The following BICRAL variants were observed in gnomAD, a reference collection of about 807,000 sequenced individuals.
BICRAL encodes BRD4-interacting chromatin-remodeling complex-associated protein-like.
In BICRAL, 8 loss-of-function variants were observed where a neutral mutation model predicts 91.8. The ratio of observed to expected loss-of-function variants is 0.09; its 90% CI spans 0.05 to 0.16. BICRAL has a LOEUF of 0.16. BICRAL is among the 10% of genes least tolerant of loss of function. The pLI, the probability that BICRAL is intolerant of heterozygous loss-of-function variation, is 1.00. For synonymous variants in BICRAL, 445 were observed against 491.1 expected (o/e 0.91, Z 1.24); for missense variants, 1,038 against 1,310.9 (o/e 0.79, Z 3.21).
At chr6:42,786,489 C>A (rs1205071510) in intron 1 of BICRAL, among the ~76,000 whole-genome samples, 1 of 108,582 alleles carries the variant, frequency 9.2e-6, no homozygotes, top group Non-Finnish European at 1.8e-5. Flanking sequence ...AGGGGGAAAT[C>A]TAAAACTGCT....
Position 42,829,178 on chromosome 6 carries a change from T to G in BICRAL, c.845T>G (p.Phe282Cys). Reference sequence around the variant, plus strand: ...GTAGCACAGCCTGTTACCGTTCCATTTAACAGCACAAATTTTCAAACATCT... The same window carrying G: ...GTAGCACAGCCTGTTACCGTTCCATGTAACAGCACAAATTTTCAAACATCT... ...SPVAQPVTVP[F>C]NSTNFQTSLP... Residue 282 changes from phenylalanine (F) to cysteine (C), a missense_variant, in exon 6 of 13, where the codon TTT becomes TGT. Around this residue, in one of 5 missense-constraint regions of BICRAL, gnomAD observed 532 missense variants for 724.9 expected, o/e 0.73. Transcript: ENST00000314073. 1 of 1,614,170 alleles carries G rather than the reference T, an allele frequency of 6.2e-7. No homozygotes were observed. Among genetic ancestry groups the G allele is most frequent in the Non-Finnish European group, 8.5e-7 (1 of 1,180,012 alleles).
chr6:42,855,526 A>G (rs1338048272), intron 8 of BICRAL, among the ~76,000 whole-genome samples: 5 of 151,672 alleles, frequency 3.3e-5, no homozygotes. Context: ...TGGACGACAG[A>G]GCACGACCCT....
intron 2 of BICRAL, among the ~76,000 whole-genome samples, chr6:42,813,400 G>A (rs983736957): frequency 6.6e-6 from 1 of 152,218 alleles, no homozygotes; most frequent in African/African-American, 2.4e-5. Flanking sequence ...ACTTTTCTTT[G>A]GAAATAATGC....
rs1554283197 is a variant in BICRAL, at chr6:42,857,637, T to TATATATATA, written c.2254+401_2254+402insATATATATA. On this transcript the variant is annotated intron_variant, in intron 10 of 12. Coordinates refer to ENST00000314073, the MANE Select transcript of BICRAL (RefSeq NM_001393499.1). Reference sequence around the variant, plus strand: ...AAAATATATATATATATATATATATTTTTTAGGAGGGTACCCTAATGTCAG... The same window carrying TATATATATA: ...AAAATATATATATATATATATATATTATATATATATTTTAGGAGGGTACCCTAATGTCAG... Among the ~76,000 whole-genome samples, 231 of 94,140 alleles carry TATATATATA rather than the reference T, an allele frequency of 2.5e-3. 5 individuals are homozygous for TATATATATA. The highest frequency in any genetic ancestry group is 0.014 in the African/African-American group (213 of 14,742). The allele number at this position is 94,140 out of a possible 152,430, so 61.8% of individuals were successfully genotyped here. A position where few individuals can be genotyped will look rare whatever the true frequency, so the allele number is the denominator to read the frequency against.
At chr6:42,836,044 T>G (rs1000956893) in intron 6 of BICRAL, among the ~76,000 whole-genome samples, 4 of 152,206 alleles carry the variant, frequency 2.6e-5, no homozygotes, top group Non-Finnish European at 5.9e-5. Flanking sequence ...TCCAGTTTCC[T>G]TCCAGAAGCC....
intron 1 of BICRAL, among the ~76,000 whole-genome samples, chr6:42,807,344 C>A (rs916754964): frequency 6.6e-6 from 1 of 151,712 alleles, no homozygotes; most frequent in Non-Finnish European, 1.5e-5. Context: ...CCACCATGCC[C>A]AGATAATTTT....
At chr6:42,807,600 G>T (rs1763743932) in intron 1 of BICRAL, among the ~76,000 whole-genome samples, 1 of 151,704 alleles carries the variant, frequency 6.6e-6, no homozygotes, top group South Asian at 2.1e-4. Context: ...CTGAGGTCAA[G>T]TGATTGAGAC....
chr6:42,765,223 G>A (rs1037374081), intron 1 of BICRAL, among the ~76,000 whole-genome samples: 1 of 152,170 alleles, frequency 6.6e-6, no homozygotes, highest in Non-Finnish European at 1.5e-5. Flanking sequence ...CTATTACAAA[G>A]TTGCATTATT....
At position 42,826,615 on chromosome 6, in the gene BICRAL, G is replaced by A. The variant is rs115343572; in HGVS notation, c.160-1878G>A. Among the ~76,000 whole-genome samples, 926 of 152,126 alleles carry A rather than the reference G, an allele frequency of 6.1e-3. 11 individuals are homozygous for A. The highest frequency in any genetic ancestry group is 0.022 in the African/African-American group (894 of 41,500). ...GAGTGTCCTGCCTGGAGACTATATC[G>A]AGATTACTGTGTTTGAGCCTTAGGT... On this transcript the variant is annotated intron_variant, in intron 5 of 12. Transcript: ENST00000314073.
intron 1 of BICRAL, among the ~76,000 whole-genome samples, chr6:42,799,119 C>A (rs906657841): frequency 6.6e-6 from 1 of 152,126 alleles, no homozygotes; most frequent in South Asian, 2.1e-4. Flanking sequence ...ATTGCCCAGG[C>A]TGGACTTGAA....
At position 42,855,713 on chromosome 6, in the gene BICRAL, T is replaced by A. The variant is rs534833323; in HGVS notation, c.2047-143T>A. On this transcript the variant is annotated intron_variant, in intron 8 of 12. Coordinates refer to ENST00000314073, the MANE Select transcript of BICRAL (RefSeq NM_001393499.1). ...CTCTGTGTACTGGTTTTTTTTTTTT[T>A]ATTTTTCAGCAGGGCACATTCTGTA... is the stretch of plus-strand genomic sequence containing the variant. 3.0e-5 allele frequency: 19 copies of A among 626,988 alleles called. 1 individual carries two copies. The highest frequency in any genetic ancestry group is 3.0e-4 in the South Asian group (14 of 46,748). 38.8% of individuals were successfully genotyped at this position (626,988 alleles called of 1,614,324 possible).
intron 1 of BICRAL, among the ~76,000 whole-genome samples, chr6:42,759,728 C>G (rs537235947): frequency 5.9e-5 from 9 of 152,274 alleles, no homozygotes; most frequent in African/African-American, 2.2e-4. Flanking sequence ...CACTTGCCTC[C>G]TACAAGATCT....
intron 1 of BICRAL, among the ~76,000 whole-genome samples, chr6:42,758,124 G>C (rs1462406508): frequency 6.6e-6 from 1 of 152,038 alleles, no homozygotes; most frequent in Non-Finnish European, 1.5e-5. Flanking sequence ...CTGTCTCTCT[G>C]GCCTGGCTCC....
intron 1 of BICRAL, among the ~76,000 whole-genome samples, chr6:42,756,329 C>G (rs1359874509): frequency 4.6e-5 from 7 of 152,144 alleles, no homozygotes; most frequent in Non-Finnish European, 7.3e-5. Context: ...CTCCCTGGTT[C>G]TTTCTTGGTT....
chr6:42,796,805 G>C (rs1307287712), intron 1 of BICRAL, among the ~76,000 whole-genome samples: 1 of 152,066 alleles, frequency 6.6e-6, no homozygotes, highest in Non-Finnish European at 1.5e-5. Flanking sequence ...CCAGCACTTT[G>C]GGAGGCCAAG....
chr6:42,856,098 C>T (rs1184785832), intron 9 of BICRAL, among the ~76,000 whole-genome samples, 181 bp downstream of exon 9: 1 of 151,900 alleles, frequency 6.6e-6, no homozygotes, highest in Non-Finnish European at 1.5e-5. Flanking sequence ...AGTCTTAAGG[C>T]AGGAGGATCA....
At chr6:42,760,693 A>G (rs931242688) in intron 1 of BICRAL, among the ~76,000 whole-genome samples, 10 of 152,250 alleles carry the variant, frequency 6.6e-5, no homozygotes, top group Admixed American at 5.9e-4. Flanking sequence ...GGCATGAGCC[A>G]CTGTGTCCGA....
intron 1 of BICRAL, among the ~76,000 whole-genome samples, chr6:42,809,430 ATTTTTTTTTTTTT>A (rs989054840): frequency 8.9e-6 from 1 of 111,946 alleles, no homozygotes; most frequent in Non-Finnish European, 1.8e-5. Flanking sequence ...AACTATGAGA[ATTTTTTTTTTTTT>A]TTTTTTTTTT....
Position 42,864,700 on chromosome 6 carries a change from A to G in BICRAL, c.2494A>G (p.Lys832Glu). Residue 832 changes from lysine to glutamate, a missense_variant, in exon 13 of 13, where the codon AAA becomes GAA. By Grantham distance (56) the Lys-to-Glu change is moderately conservative. Around this residue, in one of 5 missense-constraint regions of BICRAL, gnomAD observed 294 missense variants for 292.6 expected, o/e 1.00. Coordinates refer to ENST00000314073, the MANE Select transcript of BICRAL (RefSeq NM_001393499.1). ...TTTCTGTTGTTCCTTCAAACTTGAT[A>G]AAGCTGCTCATGAGACACAGTTTGG... Reference protein sequence around the residue: ...ADFCCSFKLDKAAHETQFGRS... With the variant: ...ADFCCSFKLDEAAHETQFGRS... 1 of 1,614,094 alleles carries G rather than the reference A, an allele frequency of 6.2e-7. No homozygotes were observed. The highest frequency in any genetic ancestry group is 8.5e-7 in the Non-Finnish European group (1 of 1,179,988).
Sources: gnomAD v4.1 joint callset for allele counts (sites outside exome capture counted in the v4.1 genomes callset) on GRCh38, gnomAD v4.1.1 for gene constraint, gnomAD v4.1.1 regional missense constraint, MANE v1.5 for transcripts, NCBI Gene and HGNC (gene_info 2026-07-23, HGNC 2026-07-21) for gene names.